The following TRDN variants were observed in gnomAD, a reference collection of about 807,000 sequenced individuals.
The protein encoded by TRDN is triadin in skeletal muscle.
Under a neutral mutation model 149.7 loss-of-function variants are expected in TRDN, and 161 were observed. That is an observed-to-expected ratio of 1.08 (90% CI 0.95 to 1.23). TRDN has a LOEUF of 1.23. Ranked by LOEUF, TRDN falls within the 50% of genes most tolerant of loss-of-function variation. TRDN has a pLI of 0.00. For synonymous variants in TRDN, 294 were observed against 250.5 expected, an observed-to-expected ratio of 1.17 and a Z score of -1.64; for missense variants, 896 against 823.5, an observed-to-expected ratio of 1.09 and a Z score of -1.08.
chr6:123,333,348 A>G (rs1441967777), intron 22 of TRDN, among the ~76,000 whole-genome samples: 1 of 152,060 alleles, frequency 6.6e-6, no homozygotes, highest in Non-Finnish European at 1.5e-5. Flanking sequence ...CTAGAATGAG[A>G]GCCCACAGAA....
At chr6:123,481,917 GTTAT>G (rs747189367) in intron 9 of TRDN, among the ~76,000 whole-genome samples, 11 of 152,154 alleles carry the variant, frequency 7.2e-5, no homozygotes, top group Non-Finnish European at 1.5e-4. Flanking sequence ...TTGCTTCTCT[GTTAT>G]TTAGAGATCT....
chr6:123,497,303 A>T (rs1778490763), intron 8 of TRDN, 51 bp from the exon 9 acceptor site: 3 of 1,246,986 alleles, frequency 2.4e-6, no homozygotes, highest in Admixed American at 6.5e-5. Flanking sequence ...TCAACACTTC[A>T]TTTTTCTACA....
chr6:123,462,876 A>G (rs1281662030), intron 10 of TRDN: 1 of 152,174 alleles, frequency 6.6e-6, no homozygotes, highest in Non-Finnish European at 1.5e-5. Flanking sequence ...AGCCCTGACA[A>G]AGCCCATGAT....
chr6:123,417,251 G>A (rs763677817), intron 12 of TRDN, among the ~76,000 whole-genome samples: 36 of 152,002 alleles, frequency 2.4e-4, no homozygotes, highest in Non-Finnish European at 4.1e-4. Flanking sequence ...TTAATTTGAG[G>A]GAAGCATATT....
At chr6:123,287,640 A>G (rs528517980) in intron 24 of TRDN, among the ~76,000 whole-genome samples, 1 of 152,300 alleles carries the variant, frequency 6.6e-6, no homozygotes, top group Non-Finnish European at 1.5e-5. Context: ...ATCAATAGAT[A>G]AAGCTAAAAA....
chr6:123,248,334 A>G (rs980097901), intron 38 of TRDN, among the ~76,000 whole-genome samples: 9 of 152,148 alleles, frequency 5.9e-5, no homozygotes, highest in Non-Finnish European at 8.8e-5. Flanking sequence ...AGGCGTGTGG[A>G]TCACCTGAGG....
At chr6:123,400,117 G>C (rs1312139441) in intron 12 of TRDN, among the ~76,000 whole-genome samples, 1 of 144,492 alleles carries the variant, frequency 6.9e-6, no homozygotes, top group Admixed American at 7.2e-5. Context: ...AAAGTCAAGA[G>C]CTTATTTTAG....
intron 38 of TRDN, among the ~76,000 whole-genome samples, chr6:123,225,513 G>GACAC (rs747190026): frequency 4.8e-4 from 71 of 148,738 alleles, no homozygotes; most frequent in African/African-American, 1.6e-3. Context: ...TCACCACACA[G>GACAC]ACACACACAC....
chr6:123,258,901 C>T (rs546638140), intron 35 of TRDN, among the ~76,000 whole-genome samples: 1 of 152,214 alleles, frequency 6.6e-6, no homozygotes, highest in Non-Finnish European at 1.5e-5. Context: ...TCCATTTCTT[C>T]TAGATTTTCT....
rs78172437 is a variant in TRDN, at chr6:123,480,970, CT to C, written c.854-15988del. On this transcript the variant is annotated intron_variant, in intron 9 of 40. Transcript: ENST00000334268. ...ATCTGTTGTTTTCATTTTAAACAAC[CT>C]TAAGACCCACCAACAACTCCAGAGA... 3.4e-3 allele frequency among the ~76,000 whole-genome samples: 519 copies of C among 152,086 alleles called. 25 individuals are homozygous for C. In the East Asian group the frequency reaches 0.092, roughly 27 times the overall value.
chr6:123,565,253 C>T (rs1176944323), intron 2 of TRDN, among the ~76,000 whole-genome samples: 2 of 152,140 alleles, frequency 1.3e-5, no homozygotes, highest in East Asian at 3.9e-4. Flanking sequence ...AAGGGAAGAT[C>T]TCCGGCAGCC....
chr6:123,277,602 G>A (rs1264956030), intron 26 of TRDN, among the ~76,000 whole-genome samples: 1 of 152,138 alleles, frequency 6.6e-6, no homozygotes, highest in Non-Finnish European at 1.5e-5. Context: ...GTTTCCATGT[G>A]ATGATGGAGG....
chr6:123,336,060 A>G (rs1279817025), intron 22 of TRDN, among the ~76,000 whole-genome samples: 1 of 152,030 alleles, frequency 6.6e-6, no homozygotes, highest in Non-Finnish European at 1.5e-5. Context: ...AGTTACCCCA[A>G]TAGCAAAAGA....
At chr6:123,480,238 C>G (rs1777683976) in intron 9 of TRDN, among the ~76,000 whole-genome samples, 1 of 141,612 alleles carries the variant, frequency 7.1e-6, no homozygotes, top group Admixed American at 7.2e-5. Flanking sequence ...AACAGAGTGA[C>G]ACTCCGTTTC....
At chr6:123,592,485 A>C (rs1369873025) in intron 1 of TRDN, among the ~76,000 whole-genome samples, 1 of 152,184 alleles carries the variant, frequency 6.6e-6, no homozygotes, top group Admixed American at 6.5e-5. Flanking sequence ...CCTTGGGGTC[A>C]ATGCAGGGTG....
intron 10 of TRDN, among the ~76,000 whole-genome samples, chr6:123,446,395 A>AAAAT (rs1357956695): frequency 3.3e-5 from 5 of 151,940 alleles, no homozygotes; most frequent in Admixed American, 6.6e-5. Context: ...ATAATAAAAG[A>AAAAT]AAATAAATAA....
chr6:123,509,027 T>C (rs1244216167), intron 7 of TRDN, among the ~76,000 whole-genome samples: 1 of 152,060 alleles, frequency 6.6e-6, no homozygotes, highest in Non-Finnish European at 1.5e-5. Flanking sequence ...TATACAAACA[T>C]GTATACACAT....
At chr6:123,334,218 A>G (rs1327478495) in intron 22 of TRDN, among the ~76,000 whole-genome samples, 1 of 152,098 alleles carries the variant, frequency 6.6e-6, no homozygotes, top group Non-Finnish European at 1.5e-5. Context: ...CATAAGTTGC[A>G]CAGTCCTGAG....
intron 5 of TRDN, among the ~76,000 whole-genome samples, chr6:123,521,999 G>A (rs944131625): frequency 2.0e-5 from 3 of 152,190 alleles, no homozygotes; most frequent in Non-Finnish European, 4.4e-5. Context: ...ATAAGTGAAT[G>A]TGTATTATCA....
Sources: allele counts gnomAD v4.1 joint callset (sites outside exome capture counted in the v4.1 genomes callset), GRCh38; gene constraint gnomAD v4.1.1; transcripts MANE v1.5; gene names NCBI Gene and HGNC (gene_info 2026-07-23, HGNC 2026-07-21).